The following CLPTM1L variants were observed in gnomAD, a reference collection of about 807,000 sequenced individuals.
CLPTM1L encodes the protein CLPTM1 like.
CLPTM1L carries 38 observed loss-of-function variants against 70.9 expected under a neutral mutation model. That is an observed-to-expected ratio of 0.54 (90% CI 0.41 to 0.70). CLPTM1L has a LOEUF of 0.70. Ranked by LOEUF, CLPTM1L falls within the 30% of genes least tolerant of loss-of-function variation. The pLI, the probability that CLPTM1L is intolerant of heterozygous loss-of-function variation, is 0.00. For missense variants in CLPTM1L, 652 were observed against 705.9 expected, an observed-to-expected ratio of 0.92 and a Z score of 0.87; for synonymous variants, 339 against 299.9, an observed-to-expected ratio of 1.13 and a Z score of -1.35.
chr5:1,338,640 A>C (rs1286204053), intron 4 of CLPTM1L, among the ~76,000 whole-genome samples: 1 of 152,238 alleles, frequency 6.6e-6, no homozygotes, highest in Non-Finnish European at 1.5e-5. Context: ...CCAGGAGCAA[A>C]GGGCAGGATG....
At position 1,342,836 on chromosome 5, in the gene CLPTM1L, G is replaced by A. The variant is rs1286559382; in HGVS notation, c.264-976C>T. 2.0e-5 allele frequency among the ~76,000 whole-genome samples: 3 copies of A among 152,228 alleles called. No individual in the cohort carries two copies. Among genetic ancestry groups the A allele is most frequent in the East Asian group, 3.9e-4 (2 of 5,188 alleles). Reference sequence around the variant, plus strand: ...ACTGCTGGGCTCAAGTGATCCTCCCGCCTTGGCCTCCCAAACTGCTGGGAT... The same window carrying A: ...ACTGCTGGGCTCAAGTGATCCTCCCACCTTGGCCTCCCAAACTGCTGGGAT... On this transcript the variant is annotated intron_variant, in intron 2 of 16. Transcript: ENST00000320895. This position sits in a 1 kb window ranked among gnomAD's most constrained non-coding sequence, Gnocchi z 4.3.
At position 1,324,763 on chromosome 5, in the gene CLPTM1L, C is replaced by T. The variant is rs746284054; in HGVS notation, c.1197G>A (p.Gln399=). ...GTGCCCTGAATCACAAGTGACTTAC[C>T]TGAGTATCGTACTCCTCGGTTTTCC... ...SERKTEEYDT[Q]AMKYLSYLLY... Residue 399 remains glutamine, a splice_region_variant and synonymous_variant, in exon 11 of 17, where the codon CAG becomes CAA. Transcript: ENST00000320895. 1.2e-6 allele frequency: 2 copies of T among 1,614,068 alleles called. No individual in the cohort carries two copies. The highest frequency in any genetic ancestry group is 1.7e-6 in the Non-Finnish European group (2 of 1,179,896).
chr5:1,318,551 GC>G lies in CLPTM1L; in HGVS notation c.1533-99del. 1 of 931,424 alleles carries G rather than the reference GC, an allele frequency of 1.1e-6. No homozygotes were observed. Among genetic ancestry groups the G allele is most frequent in the Non-Finnish European group, 1.7e-6 (1 of 588,550 alleles). The allele number at this position is 931,424 out of a possible 1,614,324, so 57.7% of individuals were successfully genotyped here. On this transcript the variant is annotated intron_variant, in intron 16 of 16. Transcript: ENST00000320895. The surrounding 1 kb of genome is among the most constrained non-coding windows in gnomAD (Gnocchi z 8.9). ...TCCTCGATTTATTTTCCAGTGAGCT[GC>G]CACAGTGAGCAAATTAACTAAAAAG...
chr5:1,322,850 C>T (rs1752237890), intron 13 of CLPTM1L, 27 bp downstream of exon 13: 3 of 1,610,822 alleles, frequency 1.9e-6, no homozygotes, highest in Admixed American at 1.7e-5. Context: ...AACACTAGTA[C>T]TGAAGCAGGG....
rs954388624 is a variant in CLPTM1L, at chr5:1,323,669, C to T, written c.1280+118G>A. The T allele has an allele frequency of 9.2e-6, 7 of 761,254 alleles. No individual in the cohort carries two copies. In the African/African-American group the frequency reaches 1.0e-4, roughly 11 times the overall value. 47.2% of individuals were successfully genotyped at this position (761,254 alleles called of 1,614,324 possible). On this transcript the variant is annotated intron_variant, in intron 12 of 16. Coordinates refer to ENST00000320895, the MANE Select transcript of CLPTM1L (RefSeq NM_030782.5). ...GCAGGGGCAGGACCCCTCCCAGGCG[C>T]TGGCCCAAGTGCCCCGGCCCCGAGT...
Position 1,327,276 on chromosome 5 carries a change from T to G in CLPTM1L, c.1081-1460A>C, listed in dbSNP as rs572175702. On this transcript the variant is annotated intron_variant, in intron 9 of 16. Coordinates refer to ENST00000320895, the MANE Select transcript of CLPTM1L (RefSeq NM_030782.5). ...GACACATTCCATCCAGCTCCTCCTC[T>G]ACAGGGACATTTCATCCAGCTCCTC... Among the ~76,000 whole-genome samples the G allele has an allele frequency of 8.3e-5, 12 of 144,606 alleles. No individual in the cohort carries two copies. In the South Asian group the frequency reaches 1.1e-3, roughly 14 times the overall value. The allele number at this position is 144,606 out of a possible 152,430, so 94.9% of individuals were successfully genotyped here.
In CLPTM1L at chr5:1,341,649, A is replaced by G. The variant is rs757697481; in HGVS notation, c.453+22T>C. On this transcript the variant is annotated intron_variant, in intron 3 of 16. Coordinates refer to ENST00000320895, the MANE Select transcript of CLPTM1L (RefSeq NM_030782.5). ...TGACGGAGAGGCACAGCCTGTTATCAGTAACCCATGAAGACCCTCACCTGT... is the reference window on the plus strand; with the variant it reads ...TGACGGAGAGGCACAGCCTGTTATCGGTAACCCATGAAGACCCTCACCTGT... The G allele has an allele frequency of 4.1e-5, 65 of 1,579,780 alleles. 1 individual carries two copies. In the South Asian group the frequency reaches 7.1e-4, roughly 17 times the overall value.
intron 9 of CLPTM1L, 144 bp downstream of exon 9, chr5:1,330,136 C>T: frequency 1.4e-6 from 1 of 695,486 alleles, no homozygotes; most frequent in Non-Finnish European, 2.6e-6. Flanking sequence ...TGCCTGCCAT[C>T]CTACAGCTTC....
intron 9 of CLPTM1L, among the ~76,000 whole-genome samples, chr5:1,328,847 A>G (rs1232885950): frequency 6.6e-6 from 1 of 150,958 alleles, no homozygotes; most frequent in Non-Finnish European, 1.5e-5. Context: ...CCTCCTCTAC[A>G]GACACATTTC....
At chr5:1,344,095 C>A (rs534470725) in intron 2 of CLPTM1L, among the ~76,000 whole-genome samples, 6 of 152,342 alleles carry the variant, frequency 3.9e-5, no homozygotes, top group Admixed American at 3.3e-4. Flanking sequence ...TTCGGAGCCT[C>A]CCCGTCCAGG....
At chr5:1,332,459 G>A (rs577841125) in intron 7 of CLPTM1L, 5 of 152,446 alleles carry the variant, frequency 3.3e-5, no homozygotes, top group African/African-American at 7.2e-5. Context: ...TCTCTAGTAC[G>A]GCTTTGGAAA....
chr5:1,335,231 T>C, intron 5 of CLPTM1L, 57 bp from the exon 6 acceptor site: 3 of 1,446,580 alleles, frequency 2.1e-6, no homozygotes, highest in Non-Finnish European at 2.9e-6. Flanking sequence ...CCCAGCTGCC[T>C]GGCAGCCCTC....
intron 4 of CLPTM1L, among the ~76,000 whole-genome samples, chr5:1,338,612 C>T (rs888605259): frequency 1.3e-5 from 2 of 152,272 alleles, no homozygotes; most frequent in Non-Finnish European, 2.9e-5. Flanking sequence ...GTTTTCTCTC[C>T]ATGGAAGCCT....
chr5:1,337,051 G>C (rs964554519), intron 5 of CLPTM1L, among the ~76,000 whole-genome samples: 2 of 152,202 alleles, frequency 1.3e-5, no homozygotes, highest in Non-Finnish European at 2.9e-5. Flanking sequence ...GCCTTAAGTG[G>C]AAGTGGCCGG....
At position 1,330,492 on chromosome 5, in the gene CLPTM1L, A is replaced by C. The variant is rs993876120; in HGVS notation, c.977-109T>G. On this transcript the variant is annotated intron_variant, in intron 8 of 16. Transcript: ENST00000320895. ...CCCATCCCAACCCACCACGCCCAAGAAGCTTCAGGTACTCCCCAGTCCACG... is the reference window on the plus strand; with the variant it reads ...CCCATCCCAACCCACCACGCCCAAGCAGCTTCAGGTACTCCCCAGTCCACG... 35 of 780,446 alleles carry C rather than the reference A, an allele frequency of 4.5e-5. 1 individual carries two copies. The highest frequency in any genetic ancestry group is 2.8e-4 in the Admixed American group (13 of 46,036). The allele number at this position is 780,446 out of a possible 1,614,324, so 48.3% of individuals were successfully genotyped here.
Position 1,331,810 on chromosome 5 carries a change from G to A in CLPTM1L, c.965C>T (p.Ser322Phe). 3 of 1,613,348 alleles carry A rather than the reference G, an allele frequency of 1.9e-6. No individual in the cohort carries two copies. Among genetic ancestry groups the A allele is most frequent in the Non-Finnish European group, 2.5e-6 (3 of 1,179,976 alleles). ...WKKKKSMIGM[S>F]TKAVLWRCFS... ...CTCGGGGGGCCTACCTGCCTTGGTG[G>A]ACATGCCGATCATGCTCTTCTTCTT... Residue 322 changes from serine to phenylalanine, a missense_variant, in exon 8 of 17, where the codon TCC becomes TTC. This residue lies in a region of CLPTM1L where 240 missense variants were observed against 295.0 expected (regional missense o/e 0.81). Coordinates refer to ENST00000320895, the MANE Select transcript of CLPTM1L (RefSeq NM_030782.5).
At chr5:1,332,079 C>G in intron 7 of CLPTM1L, 196 bp from the exon 8 acceptor site, 1 of 592,700 alleles carries the variant, frequency 1.7e-6, no homozygotes, top group Non-Finnish European at 3.0e-6. Context: ...AGTGCCCAGG[C>G]GGGCTTTGCA....
At position 1,323,701 on chromosome 5, in the gene CLPTM1L, T is replaced by C. The variant is rs114405171; in HGVS notation, c.1280+86A>G. On this transcript the variant is annotated intron_variant, in intron 12 of 16. Coordinates refer to ENST00000320895, the MANE Select transcript of CLPTM1L (RefSeq NM_030782.5). ...AAGTGCCCCGGCCCCGAGTTTGCCC[T>C]CCAGTCGCACCCCGCTCTGGCTCAG... 5.0e-4 allele frequency: 601 copies of C among 1,201,918 alleles called. 1 individual carries two copies. In the African/African-American group the frequency reaches 8.3e-3, roughly 17 times the overall value. 74.5% of individuals were successfully genotyped at this position (1,201,918 alleles called of 1,614,324 possible).
intron 7 of CLPTM1L, among the ~76,000 whole-genome samples, chr5:1,333,189 G>C (rs1471856044): frequency 1.6e-5 from 1 of 60,834 alleles, no homozygotes; most frequent in Admixed American, 1.3e-4. Flanking sequence ...ATACACACCG[G>C]ATGAGGATAA....
Sources: gnomAD v4.1 joint callset for allele counts (sites outside exome capture counted in the v4.1 genomes callset) on GRCh38, gnomAD v4.1.1 for gene constraint, gnomAD v4.1.1 regional missense constraint, Gnocchi (gnomAD v3.1) non-coding constraint, MANE v1.5 for transcripts, NCBI Gene and HGNC (gene_info 2026-07-23, HGNC 2026-07-21) for gene names.